CDH1: variants seen among roughly 807,000 people sequenced by gnomAD.
CDH1 encodes the protein cadherin-1.
Under a neutral mutation model 84.5 loss-of-function variants are expected in CDH1, and 35 were observed. The ratio of observed to expected loss-of-function variants is 0.41; its 90% CI spans 0.32 to 0.55. The LOEUF is 0.55. Ranked by LOEUF, CDH1 falls within the 20% of genes least tolerant of loss-of-function variation. CDH1 has a pLI of 0.19. For synonymous variants in CDH1, 417 were observed against 439.0 expected (o/e 0.95, Z 0.63); for missense variants, 994 against 1,126.6 (o/e 0.88, Z 1.68).
At chr16:68,741,624 C>T (rs1172978545) in intron 2 of CDH1, among the ~76,000 whole-genome samples, 1 of 149,914 alleles carries the variant, frequency 6.7e-6, no homozygotes, top group African/African-American at 2.5e-5. Flanking sequence ...GGTTTATCTC[C>T]AGCTTCTAGA....
chr16:68,826,888 G>A (rs9922225), intron 13 of CDH1, among the ~76,000 whole-genome samples: 1,959 of 152,278 alleles, frequency 0.013, 40 homozygotes, highest in African/African-American at 0.045. Flanking sequence ...ATCTGGATAA[G>A]GTTTCTGGCA....
At chr16:68,825,703 C>T (rs1324975564) in intron 13 of CDH1, among the ~76,000 whole-genome samples, 1 of 151,894 alleles carries the variant, frequency 6.6e-6, no homozygotes, top group Non-Finnish European at 1.5e-5. Context: ...CAGGGTAACA[C>T]AAGCCCTGCC....
intron 2 of CDH1, among the ~76,000 whole-genome samples, chr16:68,796,990 T>C (rs1960379558): frequency 6.6e-6 from 1 of 151,904 alleles, no homozygotes; most frequent in African/African-American, 2.4e-5. Flanking sequence ...AACATAAAAT[T>C]ACATTTTTTG....
At chr16:68,774,180 C>T (rs182442798) in intron 2 of CDH1, among the ~76,000 whole-genome samples, 1 of 152,198 alleles carries the variant, frequency 6.6e-6, no homozygotes, top group Non-Finnish European at 1.5e-5. Flanking sequence ...TCCTAAAGTG[C>T]TGGAATTACA....
At chr16:68,747,178 G>T (rs1206763788) in intron 2 of CDH1, among the ~76,000 whole-genome samples, 1 of 152,176 alleles carries the variant, frequency 6.6e-6, no homozygotes, top group African/African-American at 2.4e-5. Flanking sequence ...CACCTGCTGG[G>T]CCTTGATGAG....
rs1367108095 is a variant in CDH1, at chr16:68,822,055, A to G, written c.1766A>G (p.Asn589Ser). 3.1e-6 allele frequency: 5 copies of G among 1,614,192 alleles called. No individual in the cohort carries two copies. Among genetic ancestry groups the G allele is most frequent in the Non-Finnish European group, 2.5e-6 (3 of 1,180,032 alleles). Reference sequence around the variant, plus strand: ...CTTCTGCTGATCCTGTCTGATGTGAATGACAACGCCCCCATACCAGAACCT... The same window carrying G: ...CTTCTGCTGATCCTGTCTGATGTGAGTGACAACGCCCCCATACCAGAACCT... ...GTLLLILSDV[N>S]DNAPIPEPRT... Residue 589 changes from asparagine to serine, a missense_variant, in exon 12 of 16, where the codon AAT (asparagine) becomes AGT (serine). By Grantham distance (46) the Asn-to-Ser change is conservative. Around this residue, in one of 3 missense-constraint regions of CDH1, gnomAD observed 769 missense variants for 881.8 expected, o/e 0.87. Coordinates refer to ENST00000261769, the MANE Select transcript of CDH1 (RefSeq NM_004360.5).
intron 15 of CDH1, among the ~76,000 whole-genome samples, chr16:68,831,779 T>C (rs138995283): frequency 8.0e-4 from 122 of 152,136 alleles, no homozygotes; most frequent in Non-Finnish European, 1.4e-3. Flanking sequence ...CCTCGGGTGA[T>C]CTCCCTGCCT....
At chr16:68,775,404 C>T (rs530256369) in intron 2 of CDH1, among the ~76,000 whole-genome samples, 1 of 152,302 alleles carries the variant, frequency 6.6e-6, no homozygotes, top group African/African-American at 2.4e-5. Context: ...GTGTTTATTA[C>T]AAACTCTCAC....
chr16:68,815,018 G>A (rs1433841327), intron 9 of CDH1, among the ~76,000 whole-genome samples: 2 of 152,034 alleles, frequency 1.3e-5, no homozygotes, highest in East Asian at 3.9e-4. Context: ...CTGAGGTCAG[G>A]AGTTCGAGAC....
At chr16:68,754,577 T>C (rs1024481297) in intron 2 of CDH1, among the ~76,000 whole-genome samples, 2 of 152,164 alleles carry the variant, frequency 1.3e-5, no homozygotes, top group African/African-American at 2.4e-5. Flanking sequence ...CCTGGCCGTA[T>C]GTCTGGTGGC....
chr16:68,762,729 C>T (rs1013025632), intron 2 of CDH1, among the ~76,000 whole-genome samples: 3 of 151,804 alleles, frequency 2.0e-5, no homozygotes, highest in East Asian at 1.9e-4. Flanking sequence ...GCCGACATGG[C>T]GAAACCCAGT....
In CDH1 at chr16:68,826,879, T is replaced by C. The variant is rs529073174; in HGVS notation, c.2165-1295T>C. On this transcript the variant is annotated intron_variant, in intron 13 of 15. Coordinates refer to ENST00000261769, the MANE Select transcript of CDH1 (RefSeq NM_004360.5). ...ATGGACAAGGGAGTTATGCTGTTTATCTGGATAAGGTTTCTGGCATTTTTC... is the reference window on the plus strand; with the variant it reads ...ATGGACAAGGGAGTTATGCTGTTTACCTGGATAAGGTTTCTGGCATTTTTC... Among the ~76,000 whole-genome samples the C allele has an allele frequency of 2.6e-5, 4 of 152,322 alleles. No individual in the cohort carries two copies. In the South Asian group the frequency reaches 8.3e-4, roughly 32 times the overall value.
At position 68,801,703 on chromosome 16, in the gene CDH1, C is replaced by A. The variant is rs2152126654; in HGVS notation, c.197C>A (p.Thr66Lys). The A allele has an allele frequency of 6.2e-7, 1 of 1,614,124 alleles. No individual in the cohort carries two copies. The change falls in exon 3 of 16, where the codon ACA becomes AAA. Residue 66 changes from threonine to lysine, a missense_variant. Transcript: ENST00000261769. ...GAAGATTGCACCGGTCGACAAAGGA[C>A]AGCCTATTTTTCCCTCGACACCCGA... ...NFEDCTGRQRTAYFSLDTRFK... is the reference protein window; with the variant it reads ...NFEDCTGRQRKAYFSLDTRFK...
chr16:68,826,883 G>A (rs193060090), intron 13 of CDH1, among the ~76,000 whole-genome samples: 5 of 152,278 alleles, frequency 3.3e-5, no homozygotes, highest in Non-Finnish European at 5.9e-5. Flanking sequence ...TGTTTATCTG[G>A]ATAAGGTTTC....
intron 2 of CDH1, among the ~76,000 whole-genome samples, chr16:68,740,355 G>C (rs1382798818): frequency 6.6e-6 from 1 of 152,028 alleles, no homozygotes; most frequent in East Asian, 1.9e-4. Context: ...AAGTATATTT[G>C]CTCTGTGTGC....
Position 68,743,192 on chromosome 16 carries a change from C to T in CDH1, c.163+4781C>T, listed in dbSNP as rs1274442450. Among the ~76,000 whole-genome samples the T allele has an allele frequency of 2.0e-5, 3 of 152,306 alleles. No homozygotes were observed. The East Asian group carries it at 5.8e-4, about 29-fold the overall frequency. On this transcript the variant is annotated intron_variant, in intron 2 of 15. Coordinates refer to ENST00000261769, the MANE Select transcript of CDH1 (RefSeq NM_004360.5). ...CCCTTCCAAGGTAGCCCCAGATACG[C>T]CAGAGGCTGAAGCTCTCGTATCTCC...
intron 3 of CDH1, 97 bp from the exon 4 acceptor site, chr16:68,808,327 A>G (rs1310991931): frequency 7.9e-7 from 1 of 1,265,186 alleles, no homozygotes; most frequent in Non-Finnish European, 1.2e-6. Context: ...CACTGCCCAC[A>G]GAAGGCTGGG....
At position 68,740,846 on chromosome 16, in the gene CDH1, G is replaced by C. The variant is rs75966782; in HGVS notation, c.163+2435G>C. ...CACTGTTATTCTTCCTACTTTGCAA[G>C]TGAGGAAACTGAGGCATAAAGCAAT... On this transcript the variant is annotated intron_variant, in intron 2 of 15. Transcript: ENST00000261769. 4.4e-3 allele frequency among the ~76,000 whole-genome samples: 677 copies of C among 152,272 alleles called. 1 individual carries two copies. The highest frequency in any genetic ancestry group is 8.0e-3 in the Non-Finnish European group (541 of 68,020).
Position 68,812,090 on chromosome 16 carries a change from G to C in CDH1, c.1009-45G>C, listed in dbSNP as rs753050088. 1.9e-6 allele frequency: 3 copies of C among 1,613,616 alleles called. No individual in the cohort carries two copies. The South Asian group carries it at 3.3e-5, about 18-fold the overall frequency. On this transcript the variant is annotated intron_variant, in intron 7 of 15. Coordinates refer to ENST00000261769, the MANE Select transcript of CDH1 (RefSeq NM_004360.5). ...GTTGGGCTGGGCTAGGCCAAAGGTG[G>C]CTAGTGTTCCTGGTCCTGACTTGGT... is the stretch of plus-strand genomic sequence containing the variant.
Sources: allele counts gnomAD v4.1 joint callset (sites outside exome capture counted in the v4.1 genomes callset), GRCh38; gene constraint gnomAD v4.1.1; regional missense constraint gnomAD v4.1.1; transcripts MANE v1.5; gene names NCBI Gene and HGNC (gene_info 2026-07-23, HGNC 2026-07-21).